The following MAGI2 variants were observed in gnomAD, a reference collection of about 807,000 sequenced individuals.
The protein encoded by MAGI2 is membrane associated guanylate kinase, WW and PDZ domain containing 2.
Under a neutral mutation model 133.3 loss-of-function variants are expected in MAGI2, and 35 were observed. That is an observed-to-expected ratio of 0.26 (90% CI 0.20 to 0.35). The LOEUF (loss-of-function observed/expected upper bound fraction) is 0.35, where lower values mean the gene tolerates loss of function less well. Among genes scored for constraint, MAGI2 ranks in the 10% least tolerant of loss-of-function variants. The pLI is 1.00. For synonymous variants in MAGI2, 729 were observed against 710.6 expected, an observed-to-expected ratio of 1.03 and a Z score of -0.41; for missense variants, 1,636 against 1,863.4, an observed-to-expected ratio of 0.88 and a Z score of 2.25.
chr7:78,474,731 T>G (rs1375862649), intron 6 of MAGI2, among the ~76,000 whole-genome samples: 1 of 151,774 alleles, frequency 6.6e-6, no homozygotes, highest in African/African-American at 2.4e-5. Flanking sequence ...CCTGTAGAAG[T>G]TAATGAAAAC....
chr7:79,307,078 C>A (rs146083239), intron 1 of MAGI2, among the ~76,000 whole-genome samples: 1 of 152,160 alleles, frequency 6.6e-6, no homozygotes, highest in East Asian at 1.9e-4. Context: ...CTGAGGGTAT[C>A]TCACAAAAAT....
intron 2 of MAGI2, among the ~76,000 whole-genome samples, chr7:78,883,204 A>G (rs982027920): frequency 6.6e-6 from 1 of 152,150 alleles, no homozygotes; most frequent in Non-Finnish European, 1.5e-5. Flanking sequence ...CTAAGCACCA[A>G]TAACACCCAA....
intron 1 of MAGI2, among the ~76,000 whole-genome samples, chr7:79,394,181 T>A (rs1844875735): frequency 6.6e-6 from 1 of 152,082 alleles, no homozygotes; most frequent in African/African-American, 2.4e-5. Context: ...GACCTAAGAC[T>A]CTAGACGTTG....
At chr7:78,555,207 TAGATAGATAGATAGAC>T (rs1401905344) in intron 3 of MAGI2, among the ~76,000 whole-genome samples, 27 of 118,406 alleles carry the variant, frequency 2.3e-4, no homozygotes, top group East Asian at 1.3e-3. Flanking sequence ...GATGGATAGA[TAGATAGATAGATAGAC>T]AGATAGATAG....
chr7:78,488,547 C>T (rs75728203), intron 6 of MAGI2, among the ~76,000 whole-genome samples: 8 of 151,542 alleles, frequency 5.3e-5, no homozygotes, highest in African/African-American at 1.7e-4. Flanking sequence ...TTTTGTAACA[C>T]GTTTCATTGG....
At chr7:78,195,814 C>G (rs141219940) in intron 11 of MAGI2, among the ~76,000 whole-genome samples, 134 of 152,330 alleles carry the variant, frequency 8.8e-4, no homozygotes, top group African/African-American at 2.9e-3. Flanking sequence ...CATTTTTTAT[C>G]AAGGAGGAAG....
intron 2 of MAGI2, among the ~76,000 whole-genome samples, chr7:78,778,600 A>C (rs1826161027): frequency 6.6e-6 from 1 of 152,212 alleles, no homozygotes. Flanking sequence ...ATAAAGTCCA[A>C]TTTCAAATTA....
intron 1 of MAGI2, chr7:79,125,364 T>G (rs1820315259): frequency 2.1e-6 from 1 of 478,608 alleles, no homozygotes; most frequent in Non-Finnish European, 4.1e-6. Context: ...GTGGTTTCAG[T>G]GGGAATGACA....
At chr7:79,372,611 A>G (rs935207618) in intron 1 of MAGI2, among the ~76,000 whole-genome samples, 9 of 152,078 alleles carry the variant, frequency 5.9e-5, no homozygotes, top group African/African-American at 2.2e-4. Flanking sequence ...ATGAATAATT[A>G]TGGAAGGTGA....
At chr7:78,346,282 A>C (rs1211402162) in intron 7 of MAGI2, among the ~76,000 whole-genome samples, 1 of 152,212 alleles carries the variant, frequency 6.6e-6, no homozygotes, top group African/African-American at 2.4e-5. Flanking sequence ...ATTATGCATA[A>C]TTCAGCCAAA....
At chr7:78,856,639 G>C (rs987318249) in intron 2 of MAGI2, among the ~76,000 whole-genome samples, 2 of 152,166 alleles carry the variant, frequency 1.3e-5, no homozygotes, top group African/African-American at 4.8e-5. Flanking sequence ...GTACTATGCT[G>C]TTTTGGTTAC....
intron 1 of MAGI2, among the ~76,000 whole-genome samples, chr7:79,055,775 G>A (rs1813096802): frequency 6.6e-6 from 1 of 152,082 alleles, no homozygotes; most frequent in Admixed American, 6.5e-5. Context: ...TGTTTTCCTA[G>A]GATTTTACGT....
chr7:79,250,934 T>C (rs1045614573), intron 1 of MAGI2, among the ~76,000 whole-genome samples: 2 of 152,114 alleles, frequency 1.3e-5, no homozygotes, highest in African/African-American at 4.8e-5. Context: ...AACAAATCCA[T>C]ACATCTACAG....
At chr7:79,159,519 A>C (rs13226996) in intron 1 of MAGI2, among the ~76,000 whole-genome samples, 2 of 6,344 alleles carry the variant, frequency 3.2e-4, no homozygotes, top group African/African-American at 8.3e-4. Context: ...CTCAGTCTCA[A>C]AAAAAAAAAA....
At chr7:79,434,769 A>T (rs2129190115) in intron 1 of MAGI2, among the ~76,000 whole-genome samples, 1 of 152,330 alleles carries the variant, frequency 6.6e-6, no homozygotes, top group South Asian at 2.1e-4. Context: ...TGACTGGGCC[A>T]TGGGGTCCCC....
chr7:79,215,200 GACAA>G (rs1328662822), intron 1 of MAGI2, among the ~76,000 whole-genome samples: 2 of 151,806 alleles, frequency 1.3e-5, no homozygotes, highest in Non-Finnish European at 2.9e-5. Flanking sequence ...TTTAAAGACT[GACAA>G]ACAGACTCTT....
intron 1 of MAGI2, among the ~76,000 whole-genome samples, chr7:79,205,650 A>T (rs1435122312): frequency 6.6e-6 from 1 of 151,958 alleles, no homozygotes; most frequent in African/African-American, 2.4e-5. Context: ...AACTATTAAA[A>T]AAAAGACTAC....
intron 2 of MAGI2, among the ~76,000 whole-genome samples, chr7:78,711,353 G>C (rs1172599704): frequency 6.6e-6 from 1 of 152,080 alleles, no homozygotes. Flanking sequence ...AAGGAATGGA[G>C]GTTGCAGAGA....
At chr7:79,425,590 A>ATG (rs1847300115) in intron 1 of MAGI2, among the ~76,000 whole-genome samples, 1 of 58,686 alleles carries the variant, frequency 1.7e-5, no homozygotes, top group Non-Finnish European at 2.8e-5. Context: ...ATATATATAT[A>ATG]TATATATATG....
Sources: allele counts gnomAD v4.1 joint callset (sites outside exome capture counted in the v4.1 genomes callset), GRCh38; gene constraint gnomAD v4.1.1; transcripts MANE v1.5; gene names NCBI Gene and HGNC (gene_info 2026-07-23, HGNC 2026-07-21).